GNAQ: variants seen among roughly 807,000 people sequenced by gnomAD.
GNAQ encodes guanine nucleotide-binding protein G(q) subunit alpha.
Under a neutral mutation model 43.9 loss-of-function variants are expected in GNAQ, and 8 were observed. That is an observed-to-expected ratio of 0.18 (90% CI 0.11 to 0.33). GNAQ has a LOEUF of 0.33. Ranked by LOEUF, GNAQ falls within the 10% of genes least tolerant of loss-of-function variation. The pLI, the probability that GNAQ is intolerant of heterozygous loss-of-function variation, is 1.00. For missense variants in GNAQ, 158 were observed against 450.8 expected (o/e 0.35, Z 5.88); for synonymous variants, 155 against 170.7 (o/e 0.91, Z 0.71).
chr9:77,755,585 C>T (rs1295020719), intron 5 of GNAQ, among the ~76,000 whole-genome samples: 1 of 152,106 alleles, frequency 6.6e-6, no homozygotes, highest in Non-Finnish European at 1.5e-5. Context: ...CATGTATACA[C>T]CTGTACTAAG....
intron 2 of GNAQ, among the ~76,000 whole-genome samples, chr9:77,903,434 G>A (rs571190596): frequency 6.6e-6 from 1 of 152,264 alleles, no homozygotes; most frequent in Non-Finnish European, 1.5e-5. Context: ...ATAGAAGCAG[G>A]GACTGTAAGG....
intron 1 of GNAQ, among the ~76,000 whole-genome samples, chr9:77,944,439 G>T (rs1353637345): frequency 1.3e-5 from 2 of 151,870 alleles, no homozygotes; most frequent in South Asian, 4.2e-4. Context: ...CCATCAAGCC[G>T]CCTCACCCCA....
At chr9:78,019,502 T>A (rs755042926) in intron 1 of GNAQ, among the ~76,000 whole-genome samples, 1 of 152,266 alleles carries the variant, frequency 6.6e-6, no homozygotes, top group African/African-American at 2.4e-5. Context: ...AATAAAAATA[T>A]AAAGGTTCAT....
intron 2 of GNAQ, among the ~76,000 whole-genome samples, chr9:77,902,772 T>G (rs562219893): frequency 6.6e-6 from 1 of 152,328 alleles, no homozygotes; most frequent in East Asian, 1.9e-4. Flanking sequence ...TTCACCCAAG[T>G]TTGACCTTAA....
intron 2 of GNAQ, among the ~76,000 whole-genome samples, chr9:77,920,235 C>T (rs1301475945): frequency 2.0e-5 from 3 of 152,066 alleles, no homozygotes; most frequent in Non-Finnish European, 4.4e-5. Context: ...CCATCTTTAA[C>T]ATCTACATGA....
chr9:78,030,028 A>G (rs1824030455), intron 1 of GNAQ, among the ~76,000 whole-genome samples: 1 of 152,194 alleles, frequency 6.6e-6, no homozygotes, highest in Non-Finnish European at 1.5e-5. Flanking sequence ...CTATTTGAGA[A>G]ATGGCATTTT....
chr9:77,788,774 T>C (rs1009196373), intron 5 of GNAQ, among the ~76,000 whole-genome samples: 13 of 152,238 alleles, frequency 8.5e-5, no homozygotes, highest in Non-Finnish European at 1.5e-4. Flanking sequence ...AACTGTGTAT[T>C]TAGACCACAC....
intron 1 of GNAQ, among the ~76,000 whole-genome samples, chr9:78,024,468 C>T (rs1435736824): frequency 6.6e-6 from 1 of 152,162 alleles, no homozygotes; most frequent in African/African-American, 2.4e-5. Context: ...GATAAAGATA[C>T]AAGAGCAAGG....
At chr9:77,883,227 C>G (rs1828243563) in intron 2 of GNAQ, among the ~76,000 whole-genome samples, 1 of 152,200 alleles carries the variant, frequency 6.6e-6, no homozygotes, top group Non-Finnish European at 1.5e-5. Flanking sequence ...CCCTGACTCT[C>G]TCCAGTGTGT....
intron 2 of GNAQ, among the ~76,000 whole-genome samples, chr9:77,901,596 C>T (rs1828617982): frequency 6.6e-6 from 1 of 152,056 alleles, no homozygotes; most frequent in South Asian, 2.1e-4. Flanking sequence ...GTGTCTGTGC[C>T]CTCACAAAAT....
chr9:77,739,317 G>A (rs1825618372), intron 5 of GNAQ, among the ~76,000 whole-genome samples: 1 of 152,164 alleles, frequency 6.6e-6, no homozygotes, highest in Admixed American at 6.5e-5. Context: ...CTAACATGTA[G>A]TATTTTCTCT....
chr9:78,026,419 A>G (rs553040827), intron 1 of GNAQ, among the ~76,000 whole-genome samples: 92 of 152,376 alleles, frequency 6.0e-4, no homozygotes, highest in African/African-American at 2.1e-3. Context: ...TGTTTCAACA[A>G]CAACAAAAAA....
intron 3 of GNAQ, among the ~76,000 whole-genome samples, chr9:77,814,065 G>A (rs1018389358): frequency 6.6e-6 from 1 of 152,112 alleles, no homozygotes; most frequent in African/African-American, 2.4e-5. Context: ...TGATGGATGA[G>A]ACAGCAGCAA....
At chr9:77,796,510 G>T (rs1008297250) in intron 4 of GNAQ, among the ~76,000 whole-genome samples, 1 of 152,176 alleles carries the variant, frequency 6.6e-6, no homozygotes, top group African/African-American at 2.4e-5. Flanking sequence ...GAGATTGAAT[G>T]AAAGTACATC....
At chr9:78,019,019 C>T (rs1823872540) in intron 1 of GNAQ, among the ~76,000 whole-genome samples, 1 of 152,012 alleles carries the variant, frequency 6.6e-6, no homozygotes, top group South Asian at 2.1e-4. Context: ...GAAAGCCCTA[C>T]AAAAAATACG....
chr9:77,731,353 C>T (rs1825485624), intron 5 of GNAQ, among the ~76,000 whole-genome samples: 1 of 152,162 alleles, frequency 6.6e-6, no homozygotes, highest in African/African-American at 2.4e-5. Flanking sequence ...AGACAACTTG[C>T]CCAGGGTGCT....
At chr9:77,919,450 T>G (rs1828963371) in intron 2 of GNAQ, among the ~76,000 whole-genome samples, 1 of 152,070 alleles carries the variant, frequency 6.6e-6, no homozygotes, top group Non-Finnish European at 1.5e-5. Flanking sequence ...ACAGTAGGAT[T>G]ACTTAGCACT....
At chr9:77,988,502 A>G (rs529304365) in intron 1 of GNAQ, among the ~76,000 whole-genome samples, 1 of 152,330 alleles carries the variant, frequency 6.6e-6, no homozygotes, top group East Asian at 1.9e-4. Flanking sequence ...CTTCTTTTGA[A>G]GAAGTATTAT....
chr9:77,790,723 A>G (rs1453363266), intron 5 of GNAQ, among the ~76,000 whole-genome samples: 1 of 152,106 alleles, frequency 6.6e-6, no homozygotes, highest in Non-Finnish European at 1.5e-5. Flanking sequence ...TAACATCTAG[A>G]AGACACTATG....
Sources: allele counts gnomAD v4.1 joint callset (sites outside exome capture counted in the v4.1 genomes callset), GRCh38; gene constraint gnomAD v4.1.1; transcripts MANE v1.5; gene names NCBI Gene and HGNC (gene_info 2026-07-23, HGNC 2026-07-21).